The following MACROD2 variants were observed in gnomAD, a reference collection of about 807,000 sequenced individuals.
MACROD2 encodes ADP-ribose glycohydrolase MACROD2.
MACROD2 carries 36 observed loss-of-function variants against 70.4 expected under a neutral mutation model. The ratio of observed to expected loss-of-function variants is 0.51; its 90% confidence interval spans 0.39 to 0.68. The LOEUF (loss-of-function observed/expected upper bound fraction) is 0.68, where lower values mean the gene tolerates loss of function less well. MACROD2 is among the 30% of genes least tolerant of loss of function. The pLI, the probability that MACROD2 is intolerant of heterozygous loss-of-function variation, is 0.00. For missense variants in MACROD2, 496 were observed against 538.4 expected (o/e 0.92, Z 0.78); for synonymous variants, 172 against 178.8 (o/e 0.96, Z 0.30).
chr20:15,610,310 A>G (rs2048949490), intron 8 of MACROD2, among the ~76,000 whole-genome samples: 1 of 152,166 alleles, frequency 6.6e-6, no homozygotes, highest in South Asian at 2.1e-4. Context: ...CTCTCAGTTT[A>G]GGAGGCCAAA....
chr20:14,191,247 C>T (rs2081385830), intron 3 of MACROD2, among the ~76,000 whole-genome samples: 1 of 152,068 alleles, frequency 6.6e-6, no homozygotes, highest in African/African-American at 2.4e-5. Flanking sequence ...CTTATAAAGC[C>T]CAGCTCCTCA....
chr20:15,469,065 C>T (rs566828460), intron 7 of MACROD2, among the ~76,000 whole-genome samples: 2 of 152,152 alleles, frequency 1.3e-5, no homozygotes, highest in Non-Finnish European at 2.9e-5. Flanking sequence ...AACACTAAAG[C>T]CAATTGCTGA....
intron 6 of MACROD2, among the ~76,000 whole-genome samples, chr20:15,325,360 C>T (rs1234935429): frequency 1.3e-5 from 2 of 152,102 alleles, no homozygotes; most frequent in Non-Finnish European, 2.9e-5. Flanking sequence ...CCAGCTAAAG[C>T]TTGAAACACA....
At chr20:14,682,079 A>G (rs2070939535) in intron 4 of MACROD2, among the ~76,000 whole-genome samples, 2 of 152,178 alleles carry the variant, frequency 1.3e-5, no homozygotes, top group Non-Finnish European at 2.9e-5. Flanking sequence ...GCCCGAGTGC[A>G]GTCAGGAATA....
chr20:15,212,700 C>G (rs2076774850), intron 5 of MACROD2, among the ~76,000 whole-genome samples: 1 of 152,150 alleles, frequency 6.6e-6, no homozygotes, highest in Non-Finnish European at 1.5e-5. Context: ...CAAGCTGACA[C>G]TCAAATATCA....
chr20:15,859,271 T>C lies in MACROD2; in HGVS notation c.646-3474T>C, dbSNP rs137988204. On this transcript the variant is annotated intron_variant, in intron 8 of 17. Transcript: ENST00000684519. ...TCAGGGGTGGTAGAGGTGGAGGAAG[T>C]GGAAGAGGAAGCAGAAGAGGCAGGC... is the stretch of plus-strand genomic sequence containing the variant. Among the ~76,000 whole-genome samples the C allele has an allele frequency of 3.7e-3, 564 of 151,678 alleles. 3 individuals carry two copies. The highest frequency in any genetic ancestry group is 0.013 in the African/African-American group (542 of 41,304).
At chr20:14,316,771 A>G (rs1291457686) in intron 3 of MACROD2, among the ~76,000 whole-genome samples, 1 of 152,180 alleles carries the variant, frequency 6.6e-6, no homozygotes, top group Non-Finnish European at 1.5e-5. Flanking sequence ...TAGCTTCAAA[A>G]TATTTTGAGC....
In MACROD2 at chr20:15,229,936, A is replaced by G. The variant is rs1229893527; in HGVS notation, c.419-4A>G. On this transcript the variant is annotated splice_polypyrimidine_tract_variant and splice_region_variant and intron_variant, in intron 5 of 17. Coordinates refer to ENST00000684519, the MANE Select transcript of MACROD2 (RefSeq NM_001351661.2). ...CCTCTTTTTCCTTCCTTTTGTATTT[A>G]CAGATGTCATCCATACTGTAGGGCC... 3 of 1,602,178 alleles carry G rather than the reference A, an allele frequency of 1.9e-6. No individual in the cohort carries two copies. The highest frequency in any genetic ancestry group is 2.6e-6 in the Non-Finnish European group (3 of 1,175,746).
At chr20:15,193,477 T>C (rs1425100113) in intron 5 of MACROD2, among the ~76,000 whole-genome samples, 1 of 151,870 alleles carries the variant, frequency 6.6e-6, no homozygotes, top group Non-Finnish European at 1.5e-5. Flanking sequence ...ACCCCATGCC[T>C]ACAAATATAA....
intron 6 of MACROD2, among the ~76,000 whole-genome samples, chr20:15,236,366 C>T (rs2077014062): frequency 1.3e-5 from 2 of 152,280 alleles, no homozygotes; most frequent in Admixed American, 1.3e-4. Context: ...GATAGTTATA[C>T]AACCAAACCC....
At position 15,525,360 on chromosome 20, in the gene MACROD2, C is replaced by T. The variant is rs534238414; in HGVS notation, c.645+25513C>T. 1.1e-4 allele frequency among the ~76,000 whole-genome samples: 16 copies of T among 152,306 alleles called. No homozygotes were observed. In the South Asian group the frequency reaches 3.3e-3, roughly 32 times the overall value. On this transcript the variant is annotated intron_variant, in intron 8 of 17. Coordinates refer to ENST00000684519, the MANE Select transcript of MACROD2 (RefSeq NM_001351661.2). Reference sequence around the variant, plus strand: ...CAGAGTTCCTGGCAGAGTGGTCAGCCACAACTGTTGGATAAAGTTAAGCCC... The same window carrying T: ...CAGAGTTCCTGGCAGAGTGGTCAGCTACAACTGTTGGATAAAGTTAAGCCC...
At position 15,610,545 on chromosome 20, in the gene MACROD2, G is replaced by A. The variant is rs2048952804; in HGVS notation, c.645+110698G>A. Among the ~76,000 whole-genome samples the A allele has an allele frequency of 2.6e-5, 4 of 152,026 alleles. No individual in the cohort carries two copies. The South Asian group carries it at 6.2e-4, about 24-fold the overall frequency. On this transcript the variant is annotated intron_variant, in intron 8 of 17. Coordinates refer to ENST00000684519, the MANE Select transcript of MACROD2 (RefSeq NM_001351661.2). ...CAGGGGCACTTACCACTGGGTCTAGGATCCATCCAGAGATGCATCCAGGAT... is the reference window on the plus strand; with the variant it reads ...CAGGGGCACTTACCACTGGGTCTAGAATCCATCCAGAGATGCATCCAGGAT...
chr20:15,395,663 C>A (rs569709824), intron 6 of MACROD2, among the ~76,000 whole-genome samples: 7 of 152,284 alleles, frequency 4.6e-5, no homozygotes, highest in Non-Finnish European at 8.8e-5. Flanking sequence ...TGTTTCCCGA[C>A]CCCCAAATTA....
At chr20:14,407,461 T>G (rs2083703378) in intron 3 of MACROD2, among the ~76,000 whole-genome samples, 1 of 152,170 alleles carries the variant, frequency 6.6e-6, no homozygotes, top group African/African-American at 2.4e-5. Flanking sequence ...GATTATAGTT[T>G]GACAGTGTGG....
chr20:15,263,693 C>T (rs1373301637), intron 6 of MACROD2, among the ~76,000 whole-genome samples: 2 of 151,906 alleles, frequency 1.3e-5, no homozygotes, highest in African/African-American at 4.8e-5. Context: ...TTGTGTGTGT[C>T]CTCTTCAATT....
chr20:14,276,864 A>G (rs560647480), intron 3 of MACROD2, among the ~76,000 whole-genome samples: 84 of 152,314 alleles, frequency 5.5e-4, no homozygotes, highest in South Asian at 1.7e-3. Flanking sequence ...GCAAAACCAT[A>G]GAATACTTAA....
intron 8 of MACROD2, among the ~76,000 whole-genome samples, chr20:15,679,106 A>T (rs780237904): frequency 2.6e-5 from 4 of 152,020 alleles, no homozygotes; most frequent in Non-Finnish European, 5.9e-5. Flanking sequence ...GTGTAGTGGC[A>T]CATGTCTATA....
At chr20:14,019,747 T>C (rs1194600160) in intron 2 of MACROD2, among the ~76,000 whole-genome samples, 1 of 152,036 alleles carries the variant, frequency 6.6e-6, no homozygotes, top group East Asian at 1.9e-4. Flanking sequence ...TTGTGAGAAA[T>C]GCAAAAGTCT....
intron 5 of MACROD2, among the ~76,000 whole-genome samples, chr20:14,813,311 T>A (rs1489136085): frequency 6.6e-6 from 1 of 151,894 alleles, no homozygotes; most frequent in Non-Finnish European, 1.5e-5. Flanking sequence ...AAGCCTTACA[T>A]GCATTATCTG....
Sources: gnomAD v4.1 joint callset for allele counts (sites outside exome capture counted in the v4.1 genomes callset) on GRCh38, gnomAD v4.1.1 for gene constraint, MANE v1.5 for transcripts, NCBI Gene and HGNC (gene_info 2026-07-23, HGNC 2026-07-21) for gene names.